The following FAM114A2 variants were observed in gnomAD, a reference collection of about 807,000 sequenced individuals.
FAM114A2 encodes the protein family with sequence similarity 114 member A2, also known as protein FAM114A2.
A neutral mutation model predicts 58.4 loss-of-function variants in FAM114A2; 53 were observed. That is an observed-to-expected ratio of 0.91 (90% CI 0.73 to 1.14). The LOEUF (loss-of-function observed/expected upper bound fraction) is 1.14, where lower values mean the gene tolerates loss of function less well. Among genes scored for constraint, FAM114A2 ranks in the 50% most tolerant of loss-of-function variants. The pLI, the probability that FAM114A2 is intolerant of heterozygous loss-of-function variation, is 0.00. For missense variants in FAM114A2, 601 were observed against 581.1 expected, an observed-to-expected ratio of 1.03 and a Z score of -0.35; for synonymous variants, 228 against 211.4, an observed-to-expected ratio of 1.08 and a Z score of -0.68.
intron 9 of FAM114A2, among the ~76,000 whole-genome samples, chr5:154,011,024 A>C (rs1770660155): frequency 6.6e-6 from 1 of 152,230 alleles, no homozygotes; most frequent in Non-Finnish European, 1.5e-5. Flanking sequence ...AAATGAAAAC[A>C]GGTAAGGATG....
chr5:154,026,303 C>T, intron 8 of FAM114A2, 96 bp downstream of exon 8: 3 of 954,470 alleles, frequency 3.1e-6, no homozygotes, highest in Non-Finnish European at 4.3e-6. Context: ...TAAAATCAAG[C>T]CAGTGTAATA....
In FAM114A2 at chr5:154,013,412, C is replaced by CCTG. The variant is rs1055770320; in HGVS notation, c.914-2093_914-2092insCAG. Among the ~76,000 whole-genome samples, 15 of 152,272 alleles carry CCTG rather than the reference C, an allele frequency of 9.9e-5. No homozygotes were observed. In the South Asian group the frequency reaches 1.4e-3, roughly 15 times the overall value. ...CTGATACCACCACTTTTTTAAAAAA[C>CCTG]AGCTTCATAGAGACATAATTAAATA... On this transcript the variant is annotated intron_variant, in intron 8 of 13. Coordinates refer to ENST00000351797, the MANE Select transcript of FAM114A2 (RefSeq NM_018691.4).
At chr5:154,017,272 G>A (rs573168319) in intron 8 of FAM114A2, among the ~76,000 whole-genome samples, 30 of 152,086 alleles carry the variant, frequency 2.0e-4, no homozygotes, top group Non-Finnish European at 4.4e-4. Flanking sequence ...GAGAAACCCC[G>A]TCTCTACTAA....
intron 13 of FAM114A2, among the ~76,000 whole-genome samples, chr5:153,993,505 A>ATT (rs1270152017): frequency 1.3e-5 from 2 of 152,212 alleles, no homozygotes; most frequent in South Asian, 4.1e-4. Context: ...TTTCTAGCCC[A>ATT]TTATGATAGC....
chr5:154,005,907 C>G (rs1200399034), intron 9 of FAM114A2, among the ~76,000 whole-genome samples: 1 of 152,146 alleles, frequency 6.6e-6, no homozygotes, highest in African/African-American at 2.4e-5. Flanking sequence ...TGGAGTTAGG[C>G]CTTGAAGGAT....
In FAM114A2 at chr5:154,000,562, C is replaced by T. The variant is rs142210180; in HGVS notation, c.1256+1689G>A. Among the ~76,000 whole-genome samples, 495 of 152,138 alleles carry T rather than the reference C, an allele frequency of 3.3e-3. 6 individuals are homozygous for T. Among genetic ancestry groups the T allele is most frequent in the African/African-American group, 0.011 (464 of 41,490 alleles). ...ATGAATGGAAATGTGTTCCAAATGA[C>T]GGCAATCAAGTTTGGTACTATCCAC... On this transcript the variant is annotated intron_variant, in intron 11 of 13. Transcript: ENST00000351797.
intron 9 of FAM114A2, among the ~76,000 whole-genome samples, chr5:154,003,958 C>T (rs1247597092): frequency 6.6e-6 from 1 of 152,088 alleles, no homozygotes; most frequent in Non-Finnish European, 1.5e-5. Context: ...TTTTACTGTA[C>T]CTTTTCTATA....
chr5:154,011,370 C>T (rs756241024), intron 8 of FAM114A2, 50 bp from the exon 9 acceptor site: 6 of 1,281,202 alleles, frequency 4.7e-6, no homozygotes, highest in South Asian at 2.5e-5. Flanking sequence ...TGCTGAGGAT[C>T]ATGAGGTGGC....
chr5:153,992,867 G>A lies in FAM114A2; in HGVS notation c.*109C>T. On this transcript the variant is annotated 3_prime_UTR_variant, in exon 14 of 14. Coordinates refer to ENST00000351797, the MANE Select transcript of FAM114A2 (RefSeq NM_018691.4). ...CCTCTTTAAACCATCTCTCCTGCCT[G>A]AATTTTTATATACTAAAATAACCCC... 1 of 997,504 alleles carries A rather than the reference G, an allele frequency of 1.0e-6. No individual in the cohort carries two copies. Among genetic ancestry groups the A allele is most frequent in the Non-Finnish European group, 1.5e-6 (1 of 688,874 alleles). 61.8% of individuals were successfully genotyped at this position (997,504 alleles called of 1,614,324 possible).
chr5:153,995,622 A>G (rs1769506609), intron 12 of FAM114A2, among the ~76,000 whole-genome samples: 1 of 152,168 alleles, frequency 6.6e-6, no homozygotes, highest in Non-Finnish European at 1.5e-5. Flanking sequence ...AAAATAAATA[A>G]ATAAATAAAA....
At chr5:154,024,642 AAACTC>A (rs1312809406) in intron 8 of FAM114A2, among the ~76,000 whole-genome samples, 1 of 152,170 alleles carries the variant, frequency 6.6e-6, no homozygotes, top group African/African-American at 2.4e-5. Context: ...TACCACATTA[AAACTC>A]AACAAGTGGT....
intron 4 of FAM114A2, among the ~76,000 whole-genome samples, chr5:154,031,135 A>T (rs1022329623): frequency 1.3e-5 from 2 of 151,688 alleles, no homozygotes; most frequent in African/African-American, 4.9e-5. Flanking sequence ...AACACAGCAA[A>T]ACCTCACCTC....
At chr5:154,010,214 GAAGT>G (rs1170007123) in intron 9 of FAM114A2, among the ~76,000 whole-genome samples, 10 of 152,162 alleles carry the variant, frequency 6.6e-5, no homozygotes, top group Non-Finnish European at 1.2e-4. Flanking sequence ...TTGAGCAAAT[GAAGT>G]AAGTATTAAC....
At chr5:154,037,734 C>A (rs540326282) in intron 1 of FAM114A2, among the ~76,000 whole-genome samples, 53 of 152,126 alleles carry the variant, frequency 3.5e-4, no homozygotes, top group African/African-American at 1.2e-3. Flanking sequence ...TTTTTAAAGA[C>A]AGGGTCTCGC....
chr5:154,013,737 G>A (rs1770847338), intron 8 of FAM114A2, among the ~76,000 whole-genome samples: 1 of 152,174 alleles, frequency 6.6e-6, no homozygotes, highest in Non-Finnish European at 1.5e-5. Context: ...GTCATGTCAA[G>A]GCTTGATTAG....
intron 9 of FAM114A2, among the ~76,000 whole-genome samples, chr5:154,009,319 T>C (rs1354291764): frequency 1.3e-5 from 2 of 151,862 alleles, no homozygotes; most frequent in Non-Finnish European, 1.5e-5. Flanking sequence ...ATCAAAATAA[T>C]TAAGGACAGT....
intron 8 of FAM114A2, among the ~76,000 whole-genome samples, chr5:154,022,023 G>C (rs1419497496): frequency 1.3e-5 from 2 of 152,142 alleles, no homozygotes; most frequent in African/African-American, 2.4e-5. Flanking sequence ...TGACAAACCT[G>C]ACCAAAACAA....
At chr5:154,001,092 T>A (rs773211439) in intron 11 of FAM114A2, among the ~76,000 whole-genome samples, 11 of 152,164 alleles carry the variant, frequency 7.2e-5, no homozygotes, top group Non-Finnish European at 1.2e-4. Flanking sequence ...TGGGAACATA[T>A]CAGTGAACAA....
At chr5:153,999,261 G>T (rs746412452) in intron 11 of FAM114A2, among the ~76,000 whole-genome samples, 4 of 152,128 alleles carry the variant, frequency 2.6e-5, no homozygotes, top group Admixed American at 6.5e-5. Flanking sequence ...CATCACTGAT[G>T]TATCAATCAT....
Sources: allele counts gnomAD v4.1 joint callset (sites outside exome capture counted in the v4.1 genomes callset), GRCh38; gene constraint gnomAD v4.1.1; transcripts MANE v1.5; gene names NCBI Gene and HGNC (gene_info 2026-07-23, HGNC 2026-07-21).